The following CLIC5 variants were observed in gnomAD, a reference collection of about 807,000 sequenced individuals.
CLIC5 encodes chloride intracellular channel protein 5.
Under a neutral mutation model 24.7 loss-of-function variants are expected in CLIC5, and 20 were observed. The ratio of observed to expected loss-of-function variants is 0.81; its 90% confidence interval spans 0.57 to 1.18. CLIC5 has a LOEUF of 1.18. Ranked by LOEUF, CLIC5 falls within the 50% of genes most tolerant of loss-of-function variation. The pLI is 0.00. For synonymous variants in CLIC5, 159 were observed against 135.6 expected (o/e 1.17, Z -1.20); for missense variants, 341 against 326.1 (o/e 1.05, Z -0.35).
chr6:46,036,503 G>T (rs1468971659), intron 1 of CLIC5, among the ~76,000 whole-genome samples: 2 of 151,816 alleles, frequency 1.3e-5, no homozygotes, highest in Non-Finnish European at 1.5e-5. Context: ...GTAGAGACGG[G>T]GTTTCACCAT....
intron 1 of CLIC5, among the ~76,000 whole-genome samples, chr6:45,979,525 C>G (rs1168429866): frequency 6.6e-6 from 1 of 152,234 alleles, no homozygotes; most frequent in Non-Finnish European, 1.5e-5. Flanking sequence ...TTCCAGCCTT[C>G]TGCCTTGTCC....
At chr6:46,108,321 A>C in the CLIC5 span, among the ~76,000 whole-genome samples, 1 of 150,384 alleles carries the variant, frequency 6.6e-6, no homozygotes, top group African/African-American at 2.4e-5. Context: ...TATAAACTGC[A>C]AAAAAAAAGG....
At chr6:46,010,586 T>G (rs1766771258) in intron 1 of CLIC5, among the ~76,000 whole-genome samples, 1 of 152,172 alleles carries the variant, frequency 6.6e-6, no homozygotes, top group Non-Finnish European at 1.5e-5. Context: ...TTGTCTTGCA[T>G]GGAGGGGGCC....
intron 1 of CLIC5, among the ~76,000 whole-genome samples, chr6:46,051,098 T>C (rs1768090463): frequency 6.6e-6 from 1 of 152,186 alleles, no homozygotes; most frequent in Admixed American, 6.5e-5. Flanking sequence ...TCTTAGAACA[T>C]AACTGAACAA....
intron 2 of CLIC5, among the ~76,000 whole-genome samples, chr6:45,954,103 G>T (rs138450275): frequency 0.021 from 3,122 of 151,726 alleles, 115 homozygotes; most frequent in African/African-American, 0.072. Context: ...GTGAAACCCC[G>T]TCTCTACTAA....
intron 1 of CLIC5, among the ~76,000 whole-genome samples, chr6:45,996,350 A>G (rs1455504886): frequency 6.6e-6 from 1 of 152,018 alleles, no homozygotes. Flanking sequence ...CTTTAGTTTA[A>G]TTAGATCCCA....
At chr6:45,903,998 T>A (rs1422557890) in intron 5 of CLIC5, among the ~76,000 whole-genome samples, 3 of 152,190 alleles carry the variant, frequency 2.0e-5, no homozygotes, top group Non-Finnish European at 2.9e-5. Context: ...CGCCCTGGTT[T>A]GCCACAGTCA....
intron 1 of CLIC5, among the ~76,000 whole-genome samples, chr6:45,965,146 G>A (rs9472631): frequency 0.016 from 2,389 of 152,280 alleles, 58 homozygotes; most frequent in African/African-American, 0.054. Context: ...AATACATGAA[G>A]AACTACAGCT....
At chr6:45,926,956 T>C (rs904792921) in intron 4 of CLIC5, among the ~76,000 whole-genome samples, 18 of 152,046 alleles carry the variant, frequency 1.2e-4, no homozygotes, top group African/African-American at 4.1e-4. Flanking sequence ...CAGAACATCA[T>C]AGGATTTAAA....
chr6:45,888,686 AAAT>A (rs1393760084), intron 6 of CLIC5, among the ~76,000 whole-genome samples: 1 of 152,214 alleles, frequency 6.6e-6, no homozygotes, highest in East Asian at 1.9e-4. Flanking sequence ...TACATGACTC[AAAT>A]AATAAAAACA....
At chr6:46,094,466 T>C in the CLIC5 span, among the ~76,000 whole-genome samples, 2 of 152,186 alleles carry the variant, frequency 1.3e-5, no homozygotes, top group Admixed American at 1.3e-4. Flanking sequence ...GATATAGGCA[T>C]TGGGTAAATA....
intron 1 of CLIC5, among the ~76,000 whole-genome samples, chr6:46,061,438 G>C (rs947308794): frequency 6.6e-6 from 1 of 152,186 alleles, no homozygotes; most frequent in African/African-American, 2.4e-5. Flanking sequence ...TGAGCTGCCC[G>C]CCTTGGCCTG....
intron 1 of CLIC5, among the ~76,000 whole-genome samples, chr6:46,033,221 T>C (rs1323784263): frequency 6.6e-6 from 1 of 151,466 alleles, no homozygotes; most frequent in African/African-American, 2.4e-5. Context: ...ACTCCTGACC[T>C]CATGATCCGC....
intron 1 of CLIC5, among the ~76,000 whole-genome samples, chr6:46,076,267 C>G (rs994963687): frequency 1.3e-5 from 2 of 152,352 alleles, no homozygotes; most frequent in African/African-American, 4.8e-5. Flanking sequence ...CACACTACTG[C>G]CTCGCGCCTA....
At chr6:46,040,945 A>G (rs184962957) in intron 1 of CLIC5, among the ~76,000 whole-genome samples, 3 of 152,332 alleles carry the variant, frequency 2.0e-5, no homozygotes, top group Admixed American at 1.3e-4. Flanking sequence ...AGCTCTTGGG[A>G]ACATACATAA....
At chr6:45,918,768 G>A (rs893954977) in intron 4 of CLIC5, among the ~76,000 whole-genome samples, 7 of 152,166 alleles carry the variant, frequency 4.6e-5, no homozygotes, top group African/African-American at 1.7e-4. Flanking sequence ...TCCTTTTATT[G>A]CCCTAGTCCC....
intron 1 of CLIC5, among the ~76,000 whole-genome samples, chr6:46,061,220 T>C (rs1455694048): frequency 6.6e-6 from 1 of 152,172 alleles, no homozygotes; most frequent in Non-Finnish European, 1.5e-5. Context: ...AGACGGAGTC[T>C]TGCTCTGTCA....
chr6:45,894,766 C>T (rs1206579665), downstream of CLIC5, among the ~76,000 whole-genome samples: 6 of 152,278 alleles, frequency 3.9e-5, no homozygotes, highest in South Asian at 2.1e-4. Context: ...AGGCAGAAAA[C>T]GGGCTGGGAT....
chr6:45,886,370 C>G (rs1762305783), intron 6 of CLIC5, among the ~76,000 whole-genome samples: 2 of 152,212 alleles, frequency 1.3e-5, no homozygotes, highest in African/African-American at 2.4e-5. Flanking sequence ...AGCAGCCCCA[C>G]CCTGCACAAG....
Sources: gnomAD v4.1 joint callset for allele counts (sites outside exome capture counted in the v4.1 genomes callset) on GRCh38, gnomAD v4.1.1 for gene constraint, MANE v1.5 for transcripts, NCBI Gene and HGNC (gene_info 2026-07-23, HGNC 2026-07-21) for gene names.